The following PCSK6 variants were observed in gnomAD, a reference collection of about 807,000 sequenced individuals.
The protein encoded by PCSK6 is paired basic amino acid cleaving enzyme 4.
A neutral mutation model predicts 123.3 loss-of-function variants in PCSK6; 85 were observed. That is an observed-to-expected ratio of 0.69 (90% CI 0.58 to 0.83). The LOEUF is 0.83. PCSK6 is among the 40% of genes least tolerant of loss of function. PCSK6 has a pLI of 0.00. For synonymous variants in PCSK6, 508 were observed against 516.0 expected (o/e 0.98, Z 0.21); for missense variants, 1,191 against 1,282.3 (o/e 0.93, Z 1.09).
chr15:101,349,827 T>G (rs2040844763), intron 13 of PCSK6, among the ~76,000 whole-genome samples: 4 of 152,204 alleles, frequency 2.6e-5, no homozygotes, highest in South Asian at 4.1e-4. Context: ...ACAGATTCGT[T>G]TCACACATTT....
intron 1 of PCSK6, among the ~76,000 whole-genome samples, chr15:101,447,414 GTATAC>G (rs2056919735): frequency 6.6e-6 from 1 of 152,188 alleles, no homozygotes; most frequent in African/African-American, 2.4e-5. Flanking sequence ...TCACAGATGA[GTATAC>G]TGAGGCCCAG....
chr15:101,470,822 C>A (rs2057585685), intron 1 of PCSK6, among the ~76,000 whole-genome samples: 1 of 152,230 alleles, frequency 6.6e-6, no homozygotes, highest in Non-Finnish European at 1.5e-5. Flanking sequence ...CATAGGACGC[C>A]TGTCCGTTAG....
At chr15:101,368,351 G>A (rs947362849) in intron 12 of PCSK6, among the ~76,000 whole-genome samples, 1 of 152,202 alleles carries the variant, frequency 6.6e-6, no homozygotes, top group African/African-American at 2.4e-5. Flanking sequence ...AGCAGGACAC[G>A]TAGGGCAACC....
chr15:101,305,187 C>T lies in PCSK6; in HGVS notation c.*71G>A. ...GCGCCGCTCCTGAAACAGACTCTGG[C>T]CGACAGTCTGGAGGAAGGTGGACGG... On this transcript the variant is annotated 3_prime_UTR_variant, in exon 22 of 22. Transcript: ENST00000611716. The surrounding 1 kb of genome is among the most constrained non-coding windows in gnomAD (Gnocchi z 4.8). 1 of 1,306,742 alleles carries T rather than the reference C, an allele frequency of 7.7e-7. No individual in the cohort carries two copies. Among genetic ancestry groups the T allele is most frequent in the Non-Finnish European group, 1.1e-6 (1 of 930,794 alleles). 80.9% of individuals were successfully genotyped at this position (1,306,742 alleles called of 1,614,324 possible). A position where few individuals can be genotyped will look rare whatever the true frequency, so the allele number is the denominator to read the frequency against.
intron 21 of PCSK6, among the ~76,000 whole-genome samples, chr15:101,306,672 TTC>T (rs1481659816): frequency 1.3e-5 from 2 of 152,218 alleles, no homozygotes; most frequent in Non-Finnish European, 2.9e-5. Context: ...CCTTTTAAGT[TTC>T]TGTTTTTACA....
At chr15:101,483,103 G>C (rs771552027) in intron 1 of PCSK6, among the ~76,000 whole-genome samples, 12 of 152,214 alleles carry the variant, frequency 7.9e-5, no homozygotes, top group South Asian at 2.1e-4. Context: ...CGCACAGCCA[G>C]TCCAGCTTGG....
At chr15:101,486,578 G>C (rs1358260933) in intron 1 of PCSK6, among the ~76,000 whole-genome samples, 2 of 152,242 alleles carry the variant, frequency 1.3e-5, no homozygotes, top group East Asian at 1.9e-4. Flanking sequence ...GGGACAAAGA[G>C]AGGCTGTCTT....
intron 11 of PCSK6, among the ~76,000 whole-genome samples, chr15:101,371,854 C>A (rs2041597351): frequency 6.6e-6 from 1 of 152,240 alleles, no homozygotes; most frequent in South Asian, 2.1e-4. Flanking sequence ...AAATCTCCTG[C>A]AGAAAGCAGG....
At chr15:101,476,931 G>C (rs1182297390) in intron 1 of PCSK6, among the ~76,000 whole-genome samples, 1 of 152,200 alleles carries the variant, frequency 6.6e-6, no homozygotes, top group Non-Finnish European at 1.5e-5. Flanking sequence ...AGGTAGGTGG[G>C]ATGAGACGCC....
chr15:101,474,735 G>A (rs1419955716), intron 1 of PCSK6, among the ~76,000 whole-genome samples: 2 of 152,138 alleles, frequency 1.3e-5, no homozygotes, highest in Admixed American at 1.3e-4. Context: ...GGCCAATGGA[G>A]GCACCAGAAG....
intron 7 of PCSK6, among the ~76,000 whole-genome samples, chr15:101,397,710 T>G (rs1198826539): frequency 3.3e-5 from 5 of 152,228 alleles, no homozygotes; most frequent in Admixed American, 2.6e-4. Flanking sequence ...CCACCCTGTT[T>G]GTAAGAACTG....
intron 19 of PCSK6, among the ~76,000 whole-genome samples, chr15:101,316,846 C>T (rs1392933444): frequency 6.6e-6 from 1 of 151,020 alleles, no homozygotes; most frequent in Admixed American, 6.6e-5. Flanking sequence ...GGGGTGTGCC[C>T]ATTCTGCAGG....
rs572607235 is a variant in PCSK6 at position 101,464,321 on chromosome 15, G to A, written c.298-20661C>T. On this transcript the variant is annotated intron_variant, in intron 1 of 21. Transcript: ENST00000611716. ...GGAGCCTGGGAGGTGGGCTCCAAGC[G>A]GGACGAAATGCAAGTAGGTCATATG... Among the ~76,000 whole-genome samples the A allele has an allele frequency of 7.2e-5, 11 of 152,272 alleles. No individual in the cohort carries two copies. In the East Asian group the frequency reaches 9.7e-4, roughly 13 times the overall value.
chr15:101,323,453 G>A (rs573479667), intron 17 of PCSK6, among the ~76,000 whole-genome samples: 6 of 152,318 alleles, frequency 3.9e-5, no homozygotes, highest in African/African-American at 7.2e-5. Context: ...AGTCTGGGAC[G>A]GGTGAGGTGG....
chr15:101,444,644 G>A (rs1046772885), intron 1 of PCSK6, among the ~76,000 whole-genome samples: 4 of 152,118 alleles, frequency 2.6e-5, no homozygotes. Flanking sequence ...ACCAAGATTA[G>A]CCATGTGACC....
chr15:101,380,590 G>A (rs983693919), intron 11 of PCSK6, among the ~76,000 whole-genome samples: 1 of 152,238 alleles, frequency 6.6e-6, no homozygotes, highest in Non-Finnish European at 1.5e-5. Flanking sequence ...ACCTGTCGGG[G>A]CCTGCAGTGA....
chr15:101,359,153 T>C (rs1037857963), intron 13 of PCSK6, among the ~76,000 whole-genome samples: 1 of 152,064 alleles, frequency 6.6e-6, no homozygotes, highest in Non-Finnish European at 1.5e-5. Flanking sequence ...GTCTACAGGG[T>C]AAAGCTTGCA....
At chr15:101,320,818 C>G in intron 18 of PCSK6, among the ~76,000 whole-genome samples, 1 of 152,230 alleles carries the variant, frequency 6.6e-6, no homozygotes, top group Non-Finnish European at 1.5e-5. Flanking sequence ...TAAACGGAAG[C>G]TCTCTGTGGC....
chr15:101,371,924 G>T (rs2041599389), intron 11 of PCSK6, among the ~76,000 whole-genome samples: 1 of 152,094 alleles, frequency 6.6e-6, no homozygotes, highest in Non-Finnish European at 1.5e-5. Context: ...ACAAACTCAG[G>T]GCAGCTTTAC....
Sources: gnomAD v4.1 joint callset for allele counts (sites outside exome capture counted in the v4.1 genomes callset) on GRCh38, gnomAD v4.1.1 for gene constraint, Gnocchi (gnomAD v3.1) non-coding constraint, MANE v1.5 for transcripts, NCBI Gene and HGNC (gene_info 2026-07-23, HGNC 2026-07-21) for gene names.